Variants in L3MBTL3 observed in about 807,000 individuals in gnomAD.
The protein encoded by L3MBTL3 is lethal(3)malignant brain tumor-like protein 3.
Under a neutral mutation model 102.3 loss-of-function variants are expected in L3MBTL3, and 27 were observed. The ratio of observed to expected loss-of-function variants is 0.26; its 90% CI spans 0.19 to 0.36. The LOEUF is 0.36. Among genes scored for constraint, L3MBTL3 ranks in the 10% least tolerant of loss-of-function variants. The probability of loss-of-function intolerance (pLI) is 1.00; values close to 1 mark genes in which losing one functional copy is unlikely to be tolerated. For missense variants in L3MBTL3, 798 were observed against 955.3 expected (o/e 0.84, Z 2.17); for synonymous variants, 340 against 320.9 (o/e 1.06, Z -0.64).
At chr6:130,046,855 G>A (rs1187466147) in intron 3 of L3MBTL3, among the ~76,000 whole-genome samples, 3 of 152,168 alleles carry the variant, frequency 2.0e-5, no homozygotes, top group Admixed American at 2.0e-4. Flanking sequence ...GGAAAACATA[G>A]TGTTAGGAAA....
chr6:130,032,010 C>A (rs2114572092), intron 2 of L3MBTL3, among the ~76,000 whole-genome samples: 1 of 152,158 alleles, frequency 6.6e-6, no homozygotes, highest in South Asian at 2.1e-4. Flanking sequence ...CTCCTGGGCT[C>A]AAAGCGATCC....
At chr6:130,058,787 C>G (rs1781696313) in intron 9 of L3MBTL3, among the ~76,000 whole-genome samples, 1 of 152,196 alleles carries the variant, frequency 6.6e-6, no homozygotes, top group African/African-American at 2.4e-5. Context: ...TACAAAAACT[C>G]ATGGTGCACT....
intron 19 of L3MBTL3, among the ~76,000 whole-genome samples, chr6:130,119,435 G>A (rs1406472684): frequency 2.6e-5 from 4 of 152,122 alleles, no homozygotes; most frequent in South Asian, 2.1e-4. Context: ...TTAACATGTT[G>A]TAATTACCAA....
At chr6:130,108,060 G>A (rs1329340903) in intron 19 of L3MBTL3, among the ~76,000 whole-genome samples, 1 of 151,908 alleles carries the variant, frequency 6.6e-6, no homozygotes, top group Non-Finnish European at 1.5e-5. Context: ...TTTAAATCTC[G>A]GCTTCCCTAC....
intron 19 of L3MBTL3, among the ~76,000 whole-genome samples, chr6:130,115,784 A>C (rs1046089144): frequency 2.6e-5 from 4 of 152,250 alleles, no homozygotes; most frequent in Non-Finnish European, 5.9e-5. Flanking sequence ...ATTTCCATTC[A>C]ATACAACTGA....
intron 14 of L3MBTL3, among the ~76,000 whole-genome samples, chr6:130,081,074 C>G (rs372682787): frequency 2.0e-5 from 3 of 152,214 alleles, no homozygotes; most frequent in Non-Finnish European, 4.4e-5. Flanking sequence ...ACCACGTTTC[C>G]GTTCTTTCTA....
rs545365397 is a variant in L3MBTL3 at position 130,019,992 on chromosome 6, C to CGCG, written c.-95+1340_-95+1342dup. On this transcript the variant is annotated intron_variant, in intron 1 of 22. Coordinates refer to ENST00000361794, the MANE Select transcript of L3MBTL3 (RefSeq NM_032438.4). ...TGTGTCGGGAGGCGGCGGCGGCGGT[C>CGCG]GCGGCGGCGGCGGCCGCGCCGGGGC... 4.4e-3 allele frequency among the ~76,000 whole-genome samples: 417 copies of CGCG among 94,058 alleles called. 35 individuals are homozygous for CGCG. In the South Asian group the frequency reaches 0.15, roughly 35 times the overall value. The allele number at this position is 94,058 out of a possible 152,430, so 61.7% of individuals were successfully genotyped here.
rs12208608 is a variant in L3MBTL3, at chr6:130,094,681, G to A, written c.1736+314G>A. Among the ~76,000 whole-genome samples, 955 of 152,158 alleles carry A rather than the reference G, an allele frequency of 6.3e-3. 10 individuals are homozygous for A. The highest frequency in any genetic ancestry group is 9.1e-3 in the Non-Finnish European group (620 of 68,000). Reference sequence around the variant, plus strand: ...GATCATTAATAATGAGAAGAGGGGAGACTCCGTTGATATCATTTGGTAGAA... The same window carrying A: ...GATCATTAATAATGAGAAGAGGGGAAACTCCGTTGATATCATTTGGTAGAA... On this transcript the variant is annotated intron_variant, in intron 18 of 22. Transcript: ENST00000361794.
rs540853463 is a variant in L3MBTL3 at position 130,133,418 on chromosome 6, A to G, written c.1967-34A>G. The G allele has an allele frequency of 3.1e-6, 5 of 1,607,464 alleles. No homozygotes were observed. Among genetic ancestry groups the G allele is most frequent in the South Asian group, 1.1e-5 (1 of 90,814 alleles). ...CATTTGGGGCTTTCTTGCTGCTTTC[A>G]GAGAGTGATTTCCCATTTGTTTTCA... On this transcript the variant is annotated intron_variant, in intron 20 of 22. Transcript: ENST00000361794. The surrounding 1 kb of genome is among the most constrained non-coding windows in gnomAD (Gnocchi z 4.9).
At chr6:130,070,925 G>A (rs752746825) in intron 12 of L3MBTL3, 51 bp from the exon 13 acceptor site, 5 of 1,500,422 alleles carry the variant, frequency 3.3e-6, no homozygotes, top group Non-Finnish European at 4.6e-6. Flanking sequence ...TGCAGTTCTT[G>A]TGGTTGTCAA....
At chr6:130,072,724 C>G (rs894610155) in intron 13 of L3MBTL3, among the ~76,000 whole-genome samples, 1 of 152,062 alleles carries the variant, frequency 6.6e-6, no homozygotes, top group Non-Finnish European at 1.5e-5. Context: ...GATATCAGAG[C>G]ATTTCAGTAT....
chr6:130,133,409 G>A lies in L3MBTL3; in HGVS notation c.1967-43G>A. ...GATGCACGGCATTTGGGGCTTTCTTGCTGCTTTCAGAGAGTGATTTCCCAT... is the reference window on the plus strand; with the variant it reads ...GATGCACGGCATTTGGGGCTTTCTTACTGCTTTCAGAGAGTGATTTCCCAT... On this transcript the variant is annotated intron_variant, in intron 20 of 22. Transcript: ENST00000361794. This position sits in a 1 kb window ranked among gnomAD's most constrained non-coding sequence, Gnocchi z 4.9. The A allele has an allele frequency of 6.2e-7, 1 of 1,600,804 alleles. No individual in the cohort carries two copies. The highest frequency in any genetic ancestry group is 8.5e-7 in the Non-Finnish European group (1 of 1,171,102).
intron 18 of L3MBTL3, among the ~76,000 whole-genome samples, chr6:130,100,206 T>C (rs1021743328): frequency 6.6e-6 from 1 of 152,184 alleles, no homozygotes; most frequent in Non-Finnish European, 1.5e-5. Context: ...ATGCACTTAA[T>C]CCGAGGTCAG....
rs570073362 is a variant in L3MBTL3, at chr6:130,069,879, G to A, written c.1093-1097G>A. Among the ~76,000 whole-genome samples, 23 of 152,192 alleles carry A rather than the reference G, an allele frequency of 1.5e-4. No homozygotes were observed. In the South Asian group the frequency reaches 2.5e-3, roughly 16 times the overall value. On this transcript the variant is annotated intron_variant, in intron 12 of 22. Transcript: ENST00000361794. ...ACTCAAACATTTATGATCAGAACTC[G>A]GATAAATTTCAGTACTTAAATGCAT...
intron 13 of L3MBTL3, among the ~76,000 whole-genome samples, chr6:130,077,260 T>G (rs909003093): frequency 4.6e-5 from 7 of 152,190 alleles, no homozygotes; most frequent in Admixed American, 3.9e-4. Context: ...GAAGTAGAGC[T>G]CCATAGCCTT....
At chr6:130,023,235 A>G (rs1470298841) in intron 2 of L3MBTL3, among the ~76,000 whole-genome samples, 1 of 152,214 alleles carries the variant, frequency 6.6e-6, no homozygotes, top group Non-Finnish European at 1.5e-5. Flanking sequence ...TGTAATCTAG[A>G]AATCAAAATG....
intron 8 of L3MBTL3, among the ~76,000 whole-genome samples, chr6:130,055,680 A>T (rs893484505): frequency 5.8e-5 from 3 of 51,974 alleles, no homozygotes; most frequent in Non-Finnish European, 1.1e-4. Context: ...CCCTCCCTCC[A>T]TCCCTCTCTC....
At chr6:130,117,657 T>C (rs1265725820) in intron 19 of L3MBTL3, among the ~76,000 whole-genome samples, 1 of 152,160 alleles carries the variant, frequency 6.6e-6, no homozygotes, top group East Asian at 1.9e-4. Context: ...TTCTACCTTA[T>C]AGTAGAGAGA....
chr6:130,049,707 G>A (rs1780970013), intron 4 of L3MBTL3, 49 bp from the exon 5 acceptor site: 8 of 1,612,116 alleles, frequency 5.0e-6, no homozygotes, highest in South Asian at 1.1e-5. Flanking sequence ...TACTCCGATG[G>A]TTGTAACTAA....
Sources: allele counts gnomAD v4.1 joint callset (sites outside exome capture counted in the v4.1 genomes callset), GRCh38; gene constraint gnomAD v4.1.1; non-coding constraint Gnocchi (gnomAD v3.1); transcripts MANE v1.5; gene names NCBI Gene and HGNC (gene_info 2026-07-23, HGNC 2026-07-21).